SSBP3: variants seen among roughly 807,000 people sequenced by gnomAD.
SSBP3 encodes the protein single-stranded DNA-binding protein 3.
Under a neutral mutation model 69.6 loss-of-function variants are expected in SSBP3, and 5 were observed. The observed-to-expected ratio is 0.07, with a 90% CI of 0.04 to 0.15. The LOEUF (loss-of-function observed/expected upper bound fraction) is 0.15. SSBP3 is among the 10% of genes least tolerant of loss of function. The probability of loss-of-function intolerance (pLI) is 1.00; values close to 1 mark genes in which losing one functional copy is unlikely to be tolerated. For missense variants in SSBP3, 312 were observed against 534.0 expected (o/e 0.58, Z 4.10); for synonymous variants, 196 against 193.4 (o/e 1.01, Z -0.11).
chr1:54,339,653 C>T (rs1382361163), intron 4 of SSBP3, among the ~76,000 whole-genome samples: 5 of 152,130 alleles, frequency 3.3e-5, no homozygotes, highest in Non-Finnish European at 5.9e-5. Context: ...TGGCTCACAC[C>T]TATAATCCTA....
chr1:54,291,898 T>C (rs1433185113), intron 4 of SSBP3, among the ~76,000 whole-genome samples: 1 of 152,246 alleles, frequency 6.6e-6, no homozygotes, highest in Admixed American at 6.5e-5. Flanking sequence ...GCCCGCATCC[T>C]GCTCAGGCAC....
intron 4 of SSBP3, among the ~76,000 whole-genome samples, chr1:54,392,044 G>C (rs1307835894): frequency 1.3e-5 from 2 of 152,152 alleles, no homozygotes; most frequent in East Asian, 3.9e-4. Flanking sequence ...GCCCACTCCA[G>C]AGTGGTCCAG....
At chr1:54,239,130 T>C (rs370171475) in exon 14 of SSBP3, 20 of 1,613,624 alleles carry the variant, frequency 1.2e-5, no homozygotes, top group South Asian at 7.7e-5. Flanking sequence ...CAGACTTACG[T>C]TGGACCGGCT....
intron 4 of SSBP3, among the ~76,000 whole-genome samples, chr1:54,353,527 A>C (rs1455330615): frequency 6.6e-6 from 1 of 152,150 alleles, no homozygotes; most frequent in African/African-American, 2.4e-5. Flanking sequence ...TGGCCCCACC[A>C]AGTCAAGATT....
chr1:54,228,395 A>C, intron 16 of SSBP3, 39 bp from the exon 17 acceptor site: 1 of 1,614,194 alleles, frequency 6.2e-7, no homozygotes, highest in Non-Finnish European at 8.5e-7. Flanking sequence ...CTGTGTCCCC[A>C]ACAACCTGCC....
intron 4 of SSBP3, among the ~76,000 whole-genome samples, chr1:54,374,672 C>T (rs528158638): frequency 6.6e-6 from 1 of 152,224 alleles, no homozygotes; most frequent in Non-Finnish European, 1.5e-5. Context: ...TCCCTCCATC[C>T]CCCACCCCAC....
chr1:54,335,971 A>G lies in SSBP3; in HGVS notation c.277-54444T>C, dbSNP rs3855971. The G allele has an allele frequency of 2.6e-5, 4 of 152,394 alleles. No individual in the cohort carries two copies. In the South Asian group the frequency reaches 6.2e-4, roughly 24 times the overall value. 9.4% of individuals were successfully genotyped at this position (152,394 alleles called of 1,614,324 possible). ...ATGATGTCACAGGACAAGCATGGGC[A>G]CTGGAGCCAGAGAGATGGGCGCCAA... On this transcript the variant is annotated intron_variant, in intron 4 of 17. Transcript: ENST00000610401.
chr1:54,353,656 G>A (rs1480225580), intron 4 of SSBP3, among the ~76,000 whole-genome samples: 1 of 152,188 alleles, frequency 6.6e-6, no homozygotes, highest in Non-Finnish European at 1.5e-5. Flanking sequence ...AACAGGCAGG[G>A]TCAGAGGCTG....
chr1:54,383,098 GCA>G (rs1450042865), intron 4 of SSBP3, among the ~76,000 whole-genome samples: 1 of 152,020 alleles, frequency 6.6e-6, no homozygotes, highest in Non-Finnish European at 1.5e-5. Context: ...CCCCAGCTGG[GCA>G]CAGTGGCTCA....
intron 9 of SSBP3, among the ~76,000 whole-genome samples, chr1:54,245,705 C>T (rs1027124997): frequency 6.6e-6 from 1 of 152,226 alleles, no homozygotes; most frequent in African/African-American, 2.4e-5. Context: ...AGGGCATGGG[C>T]TTCAAGCAAA....
At chr1:54,275,548 G>A (rs1156995764) in intron 5 of SSBP3, among the ~76,000 whole-genome samples, 1 of 152,116 alleles carries the variant, frequency 6.6e-6, no homozygotes, top group Non-Finnish European at 1.5e-5. Context: ...TGCTGCCAGG[G>A]GTATGTTCTC....
intron 4 of SSBP3, among the ~76,000 whole-genome samples, chr1:54,307,419 C>T (rs1378482912): frequency 6.6e-6 from 1 of 151,848 alleles, no homozygotes; most frequent in African/African-American, 2.4e-5. Flanking sequence ...CTGGTCTGGG[C>T]CCAGCACAGA....
intron 4 of SSBP3, among the ~76,000 whole-genome samples, chr1:54,338,909 G>C (rs996522858): frequency 6.6e-6 from 1 of 152,218 alleles, no homozygotes; most frequent in Non-Finnish European, 1.5e-5. Context: ...CCTGAAACCA[G>C]ATCATGACGA....
Position 54,250,808 on chromosome 1 carries a change from C to G in SSBP3, c.651+808G>C, listed in dbSNP as rs532311770. Among the ~76,000 whole-genome samples, 7 of 152,306 alleles carry G rather than the reference C, an allele frequency of 4.6e-5. No individual in the cohort carries two copies. The East Asian group carries it at 9.7e-4, about 21-fold the overall frequency. On this transcript the variant is annotated intron_variant, in intron 9 of 17. Coordinates refer to ENST00000610401, the Ensembl canonical transcript of SSBP3. ...GGAAACAGAACCACGTGCAAACACC[C>G]AGAGGGCTGGGGGTAAGCAGTGAGA...
intron 3 of SSBP3, among the ~76,000 whole-genome samples, chr1:54,403,540 C>T (rs1288390002): frequency 1.3e-5 from 2 of 152,168 alleles, no homozygotes; most frequent in South Asian, 2.1e-4. Context: ...CCTCCAAGAC[C>T]GGCAGTTCCG....
rs541723984 is a variant in SSBP3, at chr1:54,377,985, C to T, written c.276+23876G>A. 5.9e-5 allele frequency among the ~76,000 whole-genome samples: 9 copies of T among 152,110 alleles called. No individual in the cohort carries two copies. The East Asian group carries it at 1.4e-3, about 23-fold the overall frequency. ...ACTTCCAGCAATAATGAAGCCGTGC[C>T]GATTCACCACAATTCTGCTCGGCCT... On this transcript the variant is annotated intron_variant, in intron 4 of 17. Coordinates refer to ENST00000610401, the Ensembl canonical transcript of SSBP3.
chr1:54,294,490 G>T (rs940089133), intron 4 of SSBP3, among the ~76,000 whole-genome samples: 13 of 152,196 alleles, frequency 8.5e-5, no homozygotes, highest in Admixed American at 8.5e-4. Context: ...GACAACTTCA[G>T]CTAGTGTCTG....
At chr1:54,344,220 A>C (rs2100541112) in intron 4 of SSBP3, among the ~76,000 whole-genome samples, 1 of 152,202 alleles carries the variant, frequency 6.6e-6, no homozygotes, top group East Asian at 1.9e-4. Flanking sequence ...GAACAATATT[A>C]ATCTTTGAGA....
chr1:54,242,533 G>A (rs12042788), intron 10 of SSBP3, among the ~76,000 whole-genome samples: 4 of 152,346 alleles, frequency 2.6e-5, no homozygotes, highest in East Asian at 3.9e-4. Flanking sequence ...ATGCACTAGA[G>A]AACAGTGGCT....
Sources: allele counts gnomAD v4.1 joint callset (sites outside exome capture counted in the v4.1 genomes callset), GRCh38; gene constraint gnomAD v4.1.1; transcripts MANE v1.5; gene names NCBI Gene and HGNC (gene_info 2026-07-23, HGNC 2026-07-21).